VPS13A: variants seen among roughly 807,000 people sequenced by gnomAD.
The protein encoded by VPS13A is intermembrane lipid transfer protein VPS13A.
A neutral mutation model predicts 390.9 loss-of-function variants in VPS13A; 264 were observed. The ratio of observed to expected loss-of-function variants is 0.68; its 90% CI spans 0.61 to 0.75. VPS13A has a LOEUF of 0.75. Ranked by LOEUF, VPS13A falls within the 30% of genes least tolerant of loss-of-function variation. The pLI, the probability that VPS13A is intolerant of heterozygous loss-of-function variation, is 0.00. For synonymous variants in VPS13A, 1,231 were observed against 1,227.1 expected (o/e 1.00, Z -0.07); for missense variants, 3,409 against 3,733.9 (o/e 0.91, Z 2.27).
At chr9:77,183,227 A>G (rs1824128992) in intron 1 of VPS13A, among the ~76,000 whole-genome samples, 1 of 152,206 alleles carries the variant, frequency 6.6e-6, no homozygotes, top group Non-Finnish European at 1.5e-5. Flanking sequence ...CGTATAATTA[A>G]CATGCAGTAA....
intron 33 of VPS13A, among the ~76,000 whole-genome samples, chr9:77,297,486 C>T (rs1828083870): frequency 6.6e-6 from 1 of 151,820 alleles, no homozygotes; most frequent in Non-Finnish European, 1.5e-5. Context: ...GGGCTCACCT[C>T]ATTTTTTTTT....
At chr9:77,401,693 GTTC>G (rs1211569810) in intron 68 of VPS13A, among the ~76,000 whole-genome samples, 1 of 151,978 alleles carries the variant, frequency 6.6e-6, no homozygotes, top group East Asian at 1.9e-4. Flanking sequence ...TCTTAAAACA[GTTC>G]TTTTCATCTA....
chr9:77,410,349 T>C (rs1444690621), intron 71 of VPS13A, among the ~76,000 whole-genome samples: 2 of 152,122 alleles, frequency 1.3e-5, no homozygotes, highest in Non-Finnish European at 2.9e-5. Context: ...ACATGCCAAA[T>C]TGTAAAGACC....
intron 23 of VPS13A, among the ~76,000 whole-genome samples, chr9:77,262,296 AG>A (rs1229626537): frequency 6.6e-6 from 1 of 152,032 alleles, no homozygotes; most frequent in Non-Finnish European, 1.5e-5. Context: ...CCTTTCCAAG[AG>A]AATTTCAGAA....
At chr9:77,388,000 C>T (rs1269563569) in intron 68 of VPS13A, among the ~76,000 whole-genome samples, 1 of 152,100 alleles carries the variant, frequency 6.6e-6, no homozygotes, top group African/African-American at 2.4e-5. Flanking sequence ...GGAGAAGGAC[C>T]AGAAACAACC....
chr9:77,365,658 T>G, intron 60 of VPS13A, 85 bp downstream of exon 60: 1 of 803,174 alleles, frequency 1.2e-6, no homozygotes. Flanking sequence ...TTCAGTAATA[T>G]ATAAAATCTG....
chr9:77,382,908 T>G, intron 68 of VPS13A: 3 of 985,396 alleles, frequency 3.0e-6, no homozygotes, highest in Non-Finnish European at 3.6e-6. Flanking sequence ...TGGATTATGC[T>G]GTAGGTAACT....
chr9:77,295,461 G>A (rs1827928481), intron 32 of VPS13A, 81 bp from the exon 33 acceptor site: 3 of 1,242,228 alleles, frequency 2.4e-6, no homozygotes, highest in East Asian at 5.3e-5. Context: ...TTTAAATGGA[G>A]GTAAAACCAT....
chr9:77,334,056 G>A (rs952165298), intron 46 of VPS13A, among the ~76,000 whole-genome samples: 9 of 152,132 alleles, frequency 5.9e-5, no homozygotes, highest in African/African-American at 2.2e-4. Context: ...TGACTCCTGG[G>A]CAAGATACAT....
intron 3 of VPS13A, 47 bp from the exon 4 acceptor site, chr9:77,205,266 A>C: frequency 9.4e-7 from 1 of 1,060,784 alleles, no homozygotes; most frequent in Non-Finnish European, 1.4e-6. Context: ...ATGCAGGTTG[A>C]AGGAGTAATA....
intron 67 of VPS13A, among the ~76,000 whole-genome samples, chr9:77,375,501 CAAT>C (rs908498712): frequency 3.4e-4 from 52 of 151,868 alleles, no homozygotes; most frequent in African/African-American, 1.2e-3. Flanking sequence ...GACATTAAGG[CAAT>C]AAAAGCATTA....
chr9:77,305,139 C>G (rs148795133), intron 34 of VPS13A, among the ~76,000 whole-genome samples: 1 of 152,004 alleles, frequency 6.6e-6, no homozygotes, highest in Admixed American at 6.5e-5. Flanking sequence ...GGGATTTCAC[C>G]GTGTTAGCCA....
chr9:77,293,559 A>T, intron 32 of VPS13A, 51 bp downstream of exon 32: 1 of 1,065,758 alleles, frequency 9.4e-7, no homozygotes, highest in Non-Finnish European at 1.3e-6. Flanking sequence ...GGAAATTGCT[A>T]TATGTCAAAT....
intron 71 of VPS13A, among the ~76,000 whole-genome samples, chr9:77,408,180 A>G (rs760010275): frequency 5.9e-5 from 9 of 152,262 alleles, no homozygotes; most frequent in Non-Finnish European, 1.3e-4. Context: ...TATGGCAATC[A>G]ATCACAAGGA....
chr9:77,350,113 T>C (rs1483815203), intron 52 of VPS13A, among the ~76,000 whole-genome samples: 1 of 152,214 alleles, frequency 6.6e-6, no homozygotes, highest in African/African-American at 2.4e-5. Context: ...AAGGTTTCGA[T>C]ACATTTAAAA....
intron 22 of VPS13A, among the ~76,000 whole-genome samples, chr9:77,259,753 C>T (rs1477363046): frequency 2.6e-5 from 4 of 152,150 alleles, no homozygotes; most frequent in African/African-American, 9.7e-5. Flanking sequence ...GGTTGTCTGC[C>T]TCATAGATTG....
At chr9:77,205,819 T>C (rs1422577054) in intron 4 of VPS13A, among the ~76,000 whole-genome samples, 159 bp from the exon 5 acceptor site, 1 of 152,166 alleles carries the variant, frequency 6.6e-6, no homozygotes, top group African/African-American at 2.4e-5. Flanking sequence ...TTCGAACTCC[T>C]GACCTCATGA....
In VPS13A at chr9:77,385,262, C is replaced by A. The variant is rs929734493; in HGVS notation, c.9189+3175C>A. ...TGCTATTATAAAAAACAGTCATGGC[C>A]TCTCATGGAAGAGTAGATAGTAAAA... On this transcript the variant is annotated intron_variant, in intron 68 of 71. Transcript: ENST00000360280. 25 of 684,780 alleles carry A rather than the reference C, an allele frequency of 3.7e-5. No individual in the cohort carries two copies. The Middle Eastern group carries it at 2.2e-3, about 60-fold the overall frequency. 42.4% of individuals were successfully genotyped at this position (684,780 alleles called of 1,614,324 possible).
At chr9:77,268,090 G>A (rs1036777128) in intron 23 of VPS13A, among the ~76,000 whole-genome samples, 12 of 152,244 alleles carry the variant, frequency 7.9e-5, no homozygotes, top group African/African-American at 2.9e-4. Flanking sequence ...ATCTTAGCTT[G>A]CTGGGCTCCA....
Sources: gnomAD v4.1 joint callset for allele counts (sites outside exome capture counted in the v4.1 genomes callset) on GRCh38, gnomAD v4.1.1 for gene constraint, MANE v1.5 for transcripts, NCBI Gene and HGNC (gene_info 2026-07-23, HGNC 2026-07-21) for gene names.